Variants in METTL15 observed in about 807,000 individuals in gnomAD.
METTL15 encodes the protein 12S rRNA N(4)-cytidine methyltransferase METTL15.
In METTL15, 34 loss-of-function variants were observed where a neutral mutation model predicts 38.3. The ratio of observed to expected loss-of-function variants is 0.89; its 90% CI spans 0.68 to 1.18. The LOEUF (loss-of-function observed/expected upper bound fraction) is 1.18. Ranked by LOEUF, METTL15 falls within the 50% of genes most tolerant of loss-of-function variation. METTL15 has a pLI of 0.00. For synonymous variants in METTL15, 162 were observed against 170.9 expected (o/e 0.95, Z 0.41); for missense variants, 438 against 498.4 (o/e 0.88, Z 1.15).
At chr11:28,215,969 C>T (rs7127104) in intron 4 of METTL15, among the ~76,000 whole-genome samples, 69,934 of 151,870 alleles carry the variant, frequency 0.46, 17,742 homozygotes, top group Admixed American at 0.56. Context: ...CATGACATTG[C>T]GCTCCAACCT....
At chr11:28,436,092 C>G (rs1314780767) in intron 6 of METTL15, among the ~76,000 whole-genome samples, 1 of 152,214 alleles carries the variant, frequency 6.6e-6, no homozygotes, top group Non-Finnish European at 1.5e-5. Flanking sequence ...ATGGAAATCT[C>G]ATTGCTTAAA....
intron 6 of METTL15, chr11:28,328,221 C>A (rs996701397): frequency 6.5e-7 from 1 of 1,531,620 alleles, no homozygotes; most frequent in Admixed American, 1.9e-5. Context: ...TCCTGAGAGA[C>A]CTGGTTGTTG....
chr11:28,172,020 C>G (rs1357274840), intron 3 of METTL15, among the ~76,000 whole-genome samples: 1 of 152,046 alleles, frequency 6.6e-6, no homozygotes, highest in Admixed American at 6.6e-5. Context: ...AGGCTGGCCT[C>G]AAACTTTTGG....
At chr11:28,301,462 C>A (rs1199054397) in intron 6 of METTL15, among the ~76,000 whole-genome samples, 1 of 152,058 alleles carries the variant, frequency 6.6e-6, no homozygotes, top group African/African-American at 2.4e-5. Flanking sequence ...TGCTTGCTTA[C>A]TATTTAAATA....
chr11:28,222,973 G>A (rs991316921), intron 4 of METTL15, among the ~76,000 whole-genome samples: 3 of 152,036 alleles, frequency 2.0e-5, no homozygotes, highest in African/African-American at 7.2e-5. Flanking sequence ...AATAATGAGG[G>A]CAATCAAAAT....
At chr11:28,330,225 T>C (rs1192581331) in intron 6 of METTL15, among the ~76,000 whole-genome samples, 171 bp from the exon 7 acceptor site, 1 of 152,210 alleles carries the variant, frequency 6.6e-6, no homozygotes, top group East Asian at 1.9e-4. Context: ...TTTTAAACCT[T>C]GGAAGAATGT....
At chr11:28,159,884 C>T (rs1255251480) in intron 3 of METTL15, among the ~76,000 whole-genome samples, 1 of 152,038 alleles carries the variant, frequency 6.6e-6, no homozygotes, top group Non-Finnish European at 1.5e-5. Flanking sequence ...AAGGGGTGGA[C>T]TTACTTTGGT....
intron 6 of METTL15, among the ~76,000 whole-genome samples, chr11:28,480,814 C>T (rs1272661373): frequency 6.6e-6 from 1 of 152,136 alleles, no homozygotes; most frequent in African/African-American, 2.4e-5. Flanking sequence ...AAGCTTTTCA[C>T]CTTGCAACAG....
At chr11:28,363,308 G>GGATT (rs1229152709) in intron 5 of METTL15, among the ~76,000 whole-genome samples, 2 of 152,114 alleles carry the variant, frequency 1.3e-5, no homozygotes, top group African/African-American at 4.8e-5. Flanking sequence ...CGAGTAGCTG[G>GGATT]GATTACAGGC....
intron 4 of METTL15, among the ~76,000 whole-genome samples, chr11:28,242,247 T>C (rs1854331852): frequency 6.6e-6 from 1 of 152,204 alleles, no homozygotes; most frequent in Non-Finnish European, 1.5e-5. Flanking sequence ...AATTCTTCTG[T>C]TACTATATTT....
At chr11:28,222,135 T>C (rs935179263) in intron 4 of METTL15, among the ~76,000 whole-genome samples, 4 of 152,228 alleles carry the variant, frequency 2.6e-5, no homozygotes, top group African/African-American at 9.6e-5. Flanking sequence ...TGTTTAGCTA[T>C]GCCCTGCCTC....
chr11:28,397,122 T>TA (rs1465870593), intron 5 of METTL15, among the ~76,000 whole-genome samples: 2 of 151,888 alleles, frequency 1.3e-5, no homozygotes, highest in Admixed American at 1.3e-4. Flanking sequence ...ATGTTAGACC[T>TA]AAAACCATAA....
chr11:28,367,202 GAA>G, intron 5 of METTL15, among the ~76,000 whole-genome samples: 1 of 140,194 alleles, frequency 7.1e-6, no homozygotes, highest in African/African-American at 2.7e-5. Flanking sequence ...GAGCCACTGA[GAA>G]AAAAAAAAAA....
At chr11:28,258,596 T>C (rs990406431) in intron 4 of METTL15, among the ~76,000 whole-genome samples, 1 of 152,180 alleles carries the variant, frequency 6.6e-6, no homozygotes, top group African/African-American at 2.4e-5. Flanking sequence ...CAAGACACAG[T>C]CGTTCCTACT....
chr11:28,362,151 T>A (rs563261555), intron 5 of METTL15: 2 of 152,244 alleles, frequency 1.3e-5, no homozygotes, highest in East Asian at 3.9e-4. Context: ...TTATGAAGCT[T>A]ACAGACAAGT....
intron 6 of METTL15, among the ~76,000 whole-genome samples, chr11:28,301,507 A>G (rs767535207): frequency 3.9e-5 from 6 of 152,124 alleles, no homozygotes; most frequent in Non-Finnish European, 7.3e-5. Flanking sequence ...CACCATTGTC[A>G]ACAGCCACAT....
intron 5 of METTL15, among the ~76,000 whole-genome samples, chr11:28,421,775 T>C (rs1241573132): frequency 2.0e-5 from 3 of 151,886 alleles, no homozygotes; most frequent in African/African-American, 7.2e-5. Flanking sequence ...TCCAAGATCT[T>C]GAACATGACA....
At chr11:28,365,557 C>A (rs1028372636) in intron 5 of METTL15, among the ~76,000 whole-genome samples, 2 of 151,750 alleles carry the variant, frequency 1.3e-5, no homozygotes, top group Admixed American at 1.3e-4. Context: ...TTTGAATCTT[C>A]TCTCTTTTTT....
At chr11:28,366,379 A>G (rs1397961060) in intron 5 of METTL15, among the ~76,000 whole-genome samples, 2 of 152,188 alleles carry the variant, frequency 1.3e-5, no homozygotes, top group African/African-American at 2.4e-5. Flanking sequence ...CTGTGTAATT[A>G]ACAATAAAAA....
Sources: allele counts gnomAD v4.1 joint callset (sites outside exome capture counted in the v4.1 genomes callset), GRCh38; gene constraint gnomAD v4.1.1; transcripts MANE v1.5; gene names NCBI Gene and HGNC (gene_info 2026-07-23, HGNC 2026-07-21).